The following UGT2B4 variants were observed in gnomAD, a reference collection of about 807,000 sequenced individuals.
UGT2B4 encodes the protein UDP-glucuronosyltransferase 2B4.
Under a neutral mutation model 49.8 loss-of-function variants are expected in UGT2B4, and 49 were observed. The ratio of observed to expected loss-of-function variants is 0.98; its 90% confidence interval spans 0.78 to 1.25. The LOEUF is 1.25. Ranked by LOEUF, UGT2B4 falls within the 50% of genes most tolerant of loss-of-function variation. UGT2B4 has a pLI of 0.00. For missense variants in UGT2B4, 729 were observed against 627.7 expected (o/e 1.16, Z -1.73); for synonymous variants, 246 against 217.7 (o/e 1.13, Z -1.14).
chr4:69,480,502 C>T lies in UGT2B4; in HGVS notation c.*132G>A, dbSNP rs41298247. ...AAACAGGTACTAAAACAAATTTTGA[C>T]TTGACAAGGTAAGTTTTGAAAGATG... On this transcript the variant is annotated 3_prime_UTR_variant, in exon 6 of 6. Transcript: ENST00000305107. 32 of 1,417,436 alleles carry T rather than the reference C, an allele frequency of 2.3e-5. No individual in the cohort carries two copies. The African/African-American group carries it at 4.3e-4, about 19-fold the overall frequency. The allele number at this position is 1,417,436 out of a possible 1,614,324, so 87.8% of individuals were successfully genotyped here.
At chr4:69,504,658 A>G (rs1390060357) in intron 1 of UGT2B4, among the ~76,000 whole-genome samples, 1 of 133,276 alleles carries the variant, frequency 7.5e-6, no homozygotes. Flanking sequence ...GGACAATGGA[A>G]TCAACTTGGA....
At chr4:69,488,611 T>TC (rs1727865314) in intron 3 of UGT2B4, among the ~76,000 whole-genome samples, 1 of 152,012 alleles carries the variant, frequency 6.6e-6, no homozygotes, top group Non-Finnish European at 1.5e-5. Context: ...CTGAACCTGT[T>TC]CCCCTGCCTG....
intron 1 of UGT2B4, among the ~76,000 whole-genome samples, chr4:69,520,330 T>C (rs1294844079): frequency 1.3e-5 from 2 of 152,248 alleles, no homozygotes; most frequent in Non-Finnish European, 2.9e-5. Context: ...CAGCCACTGC[T>C]GGAGTTGGGA....
chr4:69,513,057 T>G (rs568936066), intron 1 of UGT2B4, among the ~76,000 whole-genome samples: 35 of 152,348 alleles, frequency 2.3e-4, no homozygotes, highest in Non-Finnish European at 3.7e-4. Flanking sequence ...GATGGTAGTT[T>G]CTTTTGCTGT....
In UGT2B4 at chr4:69,495,495, G is replaced by T; in HGVS notation, c.367C>A (p.Leu123Ile). ...QEIMWTFNDI[L>I]RKFCKDIVSN... ...ACTATATCCTTACAGAACTTTCTAAGTATGTCATTAAATGTCCACATGATT... is the reference window on the plus strand; with the variant it reads ...ACTATATCCTTACAGAACTTTCTAATTATGTCATTAAATGTCCACATGATT... Residue 123 changes from leucine to isoleucine, a missense_variant, in exon 1 of 6, where the codon CTT becomes ATT. By Grantham distance (5) the Leu-to-Ile change is conservative. Transcript: ENST00000305107. 1 of 1,612,290 alleles carries T rather than the reference G, an allele frequency of 6.2e-7. No individual in the cohort carries two copies. The highest frequency in any genetic ancestry group is 8.5e-7 in the Non-Finnish European group (1 of 1,178,956).
rs181043177 is a variant in UGT2B4, at chr4:69,481,005, G to T, written c.1311-95C>A. On this transcript the variant is annotated intron_variant, in intron 5 of 5. Coordinates refer to ENST00000305107, the MANE Select transcript of UGT2B4 (RefSeq NM_021139.3). ...TGCAATCCCAGCAGTTTCCGAGGTC[G>T]AGGCGGGCGGATCACGAGGTCAGGA... 5,480 of 1,415,684 alleles carry T rather than the reference G, an allele frequency of 3.9e-3. 20 individuals are homozygous for T. Among genetic ancestry groups the T allele is most frequent in the Non-Finnish European group, 4.9e-3 (5,069 of 1,038,718 alleles). 87.7% of individuals were successfully genotyped at this position (1,415,684 alleles called of 1,614,324 possible). A position where few individuals can be genotyped will look rare whatever the true frequency, so the allele number is the denominator to read the frequency against.
intron 1 of UGT2B4, among the ~76,000 whole-genome samples, chr4:69,501,048 C>T (rs896292680): frequency 7.9e-5 from 12 of 152,156 alleles, no homozygotes; most frequent in Admixed American, 7.9e-4. Flanking sequence ...CCTGCAAGCG[C>T]CACCCTCACA....
At chr4:69,503,344 C>G (rs896957291) in intron 1 of UGT2B4, among the ~76,000 whole-genome samples, 5 of 152,124 alleles carry the variant, frequency 3.3e-5, no homozygotes, top group African/African-American at 1.2e-4. Context: ...GCAAGGTGGC[C>G]CCTATAGCCA....
intron 1 of UGT2B4, among the ~76,000 whole-genome samples, chr4:69,501,429 A>G (rs1728316005): frequency 6.6e-6 from 1 of 152,142 alleles, no homozygotes. Context: ...ACACCCTGGG[A>G]GAGGGCTCGC....
At chr4:69,524,862 C>G (rs941349029) in intron 1 of UGT2B4, among the ~76,000 whole-genome samples, 1 of 152,110 alleles carries the variant, frequency 6.6e-6, no homozygotes, top group Non-Finnish European at 1.5e-5. Flanking sequence ...TCAGAAAAAG[C>G]TGGTGTGACA....
chr4:69,492,141 G>T (rs1728005919), intron 2 of UGT2B4, among the ~76,000 whole-genome samples: 1 of 151,936 alleles, frequency 6.6e-6, no homozygotes, highest in Non-Finnish European at 1.5e-5. Flanking sequence ...GAAATTATTT[G>T]GTCTTTATTA....
chr4:69,480,968 G>C (rs944043008), intron 5 of UGT2B4, 58 bp from the exon 6 acceptor site: 1 of 1,579,270 alleles, frequency 6.3e-7, no homozygotes, highest in African/African-American at 1.3e-5. Context: ...GCCAGGCACG[G>C]AGGCTCACAC....
At chr4:69,483,841 A>G (rs976007603) in intron 5 of UGT2B4, among the ~76,000 whole-genome samples, 19 of 152,204 alleles carry the variant, frequency 1.2e-4, no homozygotes, top group African/African-American at 2.9e-4. Context: ...TTCAAAGACC[A>G]TCATCAAAAA....
At chr4:69,483,689 C>T (rs951240374) in intron 5 of UGT2B4, among the ~76,000 whole-genome samples, 1 of 151,924 alleles carries the variant, frequency 6.6e-6, no homozygotes, top group Non-Finnish European at 1.5e-5. Flanking sequence ...GCCCCTTTTA[C>T]ATAAAAACAT....
At position 69,480,625 on chromosome 4, in the gene UGT2B4, C is replaced by T. The variant is rs1727554603; in HGVS notation, c.*9G>A. ...TATTGGGTTTCCCAGCTTCCAGCCT[C>T]AGACGTAATTAATCTCTTTTCCCCT... On this transcript the variant is annotated 3_prime_UTR_variant, in exon 6 of 6. Coordinates refer to ENST00000305107, the MANE Select transcript of UGT2B4 (RefSeq NM_021139.3). 6.2e-7 allele frequency: 1 copy of T among 1,611,498 alleles called. No individual in the cohort carries two copies. The highest frequency in any genetic ancestry group is 1.3e-5 in the African/African-American group (1 of 74,840).
At position 69,495,819 on chromosome 4, in the gene UGT2B4, T is replaced by C. The variant is rs1270427382; in HGVS notation, c.43A>G (p.Ser15Gly). The C allele has an allele frequency of 4.4e-6, 7 of 1,607,638 alleles. No individual in the cohort carries two copies. The highest frequency in any genetic ancestry group is 1.7e-5 in the Admixed American group (1 of 58,000). The change falls in exon 1 of 6, where the codon AGC (serine) becomes GGC (glycine). Residue 15 changes from serine (S) to glycine (G), a missense_variant. By Grantham distance (56) the Ser-to-Gly change is moderately conservative. Coordinates refer to ENST00000305107, the MANE Select transcript of UGT2B4 (RefSeq NM_021139.3). ...WTSALLLIQL[S>G]CYFSSGSCGK... ...CAACTCCCAGAGCTAAAGTAACAGCTCAGCTGTATCAGCAGAAGAGCTGAA... is the reference window on the plus strand; with the variant it reads ...CAACTCCCAGAGCTAAAGTAACAGCCCAGCTGTATCAGCAGAAGAGCTGAA...
rs41297433 is a variant in UGT2B4 at position 69,485,187 on chromosome 4, TAA to T, written c.1310+19_1310+20del. On this transcript the variant is annotated intron_variant, in intron 5 of 5. Coordinates refer to ENST00000305107, the MANE Select transcript of UGT2B4 (RefSeq NM_021139.3). ...GAACCTATCTATAAAGACCACCGAG[TAA>T]AAAAAAAGTTATACTCACAAAGGAT... The T allele has an allele frequency of 1.1e-5, 17 of 1,603,648 alleles. No homozygotes were observed. The highest frequency in any genetic ancestry group is 1.4e-5 in the Non-Finnish European group (16 of 1,172,780).
chr4:69,512,452 C>A (rs904059329), intron 1 of UGT2B4, among the ~76,000 whole-genome samples: 10 of 151,798 alleles, frequency 6.6e-5, no homozygotes, highest in Non-Finnish European at 4.4e-5. Flanking sequence ...TTTGACTATT[C>A]TACTTTTATT....
intron 1 of UGT2B4, among the ~76,000 whole-genome samples, chr4:69,506,015 C>G (rs541566273): frequency 6.6e-6 from 1 of 152,172 alleles, no homozygotes; most frequent in East Asian, 1.9e-4. Flanking sequence ...TCAAGAAGAT[C>G]TTTGAAACTA....
Sources: allele counts gnomAD v4.1 joint callset (sites outside exome capture counted in the v4.1 genomes callset), GRCh38; gene constraint gnomAD v4.1.1; transcripts MANE v1.5; gene names NCBI Gene and HGNC (gene_info 2026-07-23, HGNC 2026-07-21).